Variants in HNRNPUL1 observed in about 807,000 individuals in gnomAD.
HNRNPUL1 encodes the protein heterogeneous nuclear ribonucleoprotein U-like protein 1.
In HNRNPUL1, 14 loss-of-function variants were observed where a neutral mutation model predicts 108.5. That is an observed-to-expected ratio of 0.13 (90% CI 0.09 to 0.20). HNRNPUL1 has a LOEUF of 0.20. Ranked by LOEUF, HNRNPUL1 falls within the 10% of genes least tolerant of loss-of-function variation. The probability of loss-of-function intolerance (pLI) is 1.00; values close to 1 mark genes in which losing one functional copy is unlikely to be tolerated. For missense variants in HNRNPUL1, 804 were observed against 1,168.3 expected (o/e 0.69, Z 4.55); for synonymous variants, 422 against 445.2 (o/e 0.95, Z 0.66).
chr19:41,307,666 T>G lies in HNRNPUL1; in HGVS notation c.*1101T>G, dbSNP rs931815220. ...TTCTTTGAATAAATGACATGGCACC[T>G]CCTAGCAGGAAGGAAGCAGGGTTGA... On this transcript the variant is annotated 3_prime_UTR_variant, in exon 15 of 15. Transcript: ENST00000392006. 2 of 152,472 alleles carry G rather than the reference T, an allele frequency of 1.3e-5. No individual in the cohort carries two copies. Among genetic ancestry groups the G allele is most frequent in the African/African-American group, 2.4e-5 (1 of 41,420 alleles). 9.4% of individuals were successfully genotyped at this position (152,472 alleles called of 1,614,324 possible).
In HNRNPUL1 at chr19:41,292,116, T is replaced by A; in HGVS notation, c.1000-129T>A. The A allele has an allele frequency of 1.1e-6, 1 of 928,702 alleles. No individual in the cohort carries two copies. Among genetic ancestry groups the A allele is most frequent in the Non-Finnish European group, 1.7e-6 (1 of 586,110 alleles). The allele number at this position is 928,702 out of a possible 1,614,324, so 57.5% of individuals were successfully genotyped here. ...TGATGCTGCCCAGCTTACCTGTATG[T>A]TGGGGAAGGATGCACTTCAATCTGG... On this transcript the variant is annotated intron_variant, in intron 7 of 14. Transcript: ENST00000392006. The surrounding 1 kb of genome is among the most constrained non-coding windows in gnomAD (Gnocchi z 4.1).
At chr19:41,284,006 T>C (rs182485791) in intron 7 of HNRNPUL1, among the ~76,000 whole-genome samples, 1 of 152,368 alleles carries the variant, frequency 6.6e-6, no homozygotes, top group Non-Finnish European at 1.5e-5. Flanking sequence ...GTGTCATACA[T>C]CTTCACGTGA....
intron 1 of HNRNPUL1, among the ~76,000 whole-genome samples, chr19:41,267,664 C>A (rs2034933998): frequency 6.6e-6 from 1 of 152,230 alleles, no homozygotes; most frequent in Non-Finnish European, 1.5e-5. Flanking sequence ...TTGGTTCTGG[C>A]TCACGGCTCC....
rs762178349 is a variant in HNRNPUL1, at chr19:41,264,484, C to T, written c.-20C>T. ...TGGGAGGCCGGGCCGGGCTCGGGGG[C>T]CACCCCGGGGGCCCGGGCCATGGAT... On this transcript the variant is annotated 5_prime_UTR_variant, in exon 1 of 15. Transcript: ENST00000392006. 1.5e-6 allele frequency: 2 copies of T among 1,346,348 alleles called. No individual in the cohort carries two copies. The highest frequency in any genetic ancestry group is 1.9e-6 in the Non-Finnish European group (2 of 1,048,208). 83.4% of individuals were successfully genotyped at this position (1,346,348 alleles called of 1,614,324 possible).
At chr19:41,300,811 G>GC (rs1204403373) in intron 10 of HNRNPUL1, among the ~76,000 whole-genome samples, 6 of 152,234 alleles carry the variant, frequency 3.9e-5, no homozygotes, top group Non-Finnish European at 8.8e-5. Flanking sequence ...CTTGCGAAAA[G>GC]CAGAGTCTCC....
Position 41,264,474 on chromosome 19 carries a change from G to C in HNRNPUL1, c.-30G>C. On this transcript the variant is annotated 5_prime_UTR_variant, in exon 1 of 15. Coordinates refer to ENST00000392006, the MANE Select transcript of HNRNPUL1 (RefSeq NM_007040.6). Reference sequence around the variant, plus strand: ...GACAGAGCCCTGGGAGGCCGGGCCGGGCTCGGGGGCCACCCCGGGGGCCCG... The same window carrying C: ...GACAGAGCCCTGGGAGGCCGGGCCGCGCTCGGGGGCCACCCCGGGGGCCCG... The C allele has an allele frequency of 7.4e-7, 1 of 1,344,158 alleles. No individual in the cohort carries two copies. The highest frequency in any genetic ancestry group is 3.0e-5 in the East Asian group (1 of 33,020). 83.3% of individuals were successfully genotyped at this position (1,344,158 alleles called of 1,614,324 possible).
At chr19:41,304,945 C>T (rs138776166) in intron 13 of HNRNPUL1, among the ~76,000 whole-genome samples, 1 of 152,338 alleles carries the variant, frequency 6.6e-6, no homozygotes, top group African/African-American at 2.4e-5. Context: ...TCCAAACCCC[C>T]AGCCCCACAA....
chr19:41,289,630 G>A (rs989838432), intron 7 of HNRNPUL1, among the ~76,000 whole-genome samples: 2 of 151,838 alleles, frequency 1.3e-5, no homozygotes, highest in African/African-American at 4.8e-5. Context: ...CGGTTTCTGT[G>A]CATTATGGGA....
At chr19:41,277,506 G>A (rs1300912467) in intron 5 of HNRNPUL1, among the ~76,000 whole-genome samples, 1 of 152,056 alleles carries the variant, frequency 6.6e-6, no homozygotes, top group Non-Finnish European at 1.5e-5. Flanking sequence ...TTTTTTGTTT[G>A]TTTGTTTTTT....
At chr19:41,279,793 A>G (rs527686994) in intron 6 of HNRNPUL1, among the ~76,000 whole-genome samples, 1 of 152,372 alleles carries the variant, frequency 6.6e-6, no homozygotes. Context: ...ACAGAAAGGG[A>G]AAAATGAAAA....
At chr19:41,279,276 A>T (rs2035766201) in intron 6 of HNRNPUL1, 100 bp downstream of exon 6, 1 of 800,580 alleles carries the variant, frequency 1.2e-6, no homozygotes, top group Non-Finnish European at 2.1e-6. Context: ...TCAGACTTAG[A>T]ATAGAACTAG....
chr19:41,272,315 AC>A, intron 3 of HNRNPUL1, 80 bp downstream of exon 3: 1 of 1,411,978 alleles, frequency 7.1e-7, no homozygotes, highest in South Asian at 1.2e-5. Flanking sequence ...GGACATTTGC[AC>A]TAACCTAGAG....
intron 12 of HNRNPUL1, 59 bp from the exon 13 acceptor site, chr19:41,303,913 T>C (rs1023507241): frequency 6.4e-7 from 1 of 1,557,936 alleles, no homozygotes; most frequent in African/African-American, 1.4e-5. Context: ...GACAACCCAG[T>C]TCCCTGGGGT....
chr19:41,279,201 C>T, intron 6 of HNRNPUL1, 25 bp downstream of exon 6: 1 of 1,491,070 alleles, frequency 6.7e-7, no homozygotes, highest in South Asian at 1.1e-5. Flanking sequence ...GCTATGCAGT[C>T]CAGAGAATAG....
rs774368109 is a variant in HNRNPUL1 at position 41,274,092 on chromosome 19, A to G, written c.646+37A>G. 4 of 1,550,158 alleles carry G rather than the reference A, an allele frequency of 2.6e-6. No individual in the cohort carries two copies. In the African/African-American group the frequency reaches 5.4e-5, roughly 21 times the overall value. On this transcript the variant is annotated intron_variant, in intron 4 of 14. Transcript: ENST00000392006. ...GAGTGTGCATCTAATTCTGCCTTAC[A>G]GTCAGTATGGGGAAATTGTGGTCTT...
At chr19:41,293,233 T>C (rs544647001) in intron 8 of HNRNPUL1, among the ~76,000 whole-genome samples, 1 of 152,238 alleles carries the variant, frequency 6.6e-6, no homozygotes, top group Non-Finnish European at 1.5e-5. Context: ...ATTTTCATAA[T>C]GCCATCATCT....
At chr19:41,265,316 A>G in intron 1 of HNRNPUL1, 1 of 1,098,574 alleles carries the variant, frequency 9.1e-7, no homozygotes, top group Non-Finnish European at 1.2e-6. Flanking sequence ...ATGCCGCTGG[A>G]TGCGATCCTG....
intron 2 of HNRNPUL1, among the ~76,000 whole-genome samples, chr19:41,270,295 C>T (rs564173174): frequency 1.3e-5 from 2 of 151,756 alleles, no homozygotes; most frequent in Admixed American, 6.6e-5. Context: ...GTCCCACCTA[C>T]TCTGGACCCT....
intron 7 of HNRNPUL1, among the ~76,000 whole-genome samples, chr19:41,284,694 G>C (rs1352928699): frequency 6.6e-6 from 1 of 151,422 alleles, no homozygotes; most frequent in Admixed American, 6.6e-5. Context: ...TAGGTACAGA[G>C]TTGCTATAAG....
Sources: allele counts gnomAD v4.1 joint callset (sites outside exome capture counted in the v4.1 genomes callset), GRCh38; gene constraint gnomAD v4.1.1; non-coding constraint Gnocchi (gnomAD v3.1); transcripts MANE v1.5; gene names NCBI Gene and HGNC (gene_info 2026-07-23, HGNC 2026-07-21).